Variants in WWOX observed in about 807,000 individuals in gnomAD.
WWOX encodes WW domain-containing oxidoreductase.
Under a neutral mutation model 46.2 loss-of-function variants are expected in WWOX, and 69 were observed. That is an observed-to-expected ratio of 1.49 (90% CI 1.23 to 1.82). The LOEUF is 1.82. Among genes scored for constraint, WWOX ranks in the 40% most tolerant of loss-of-function variants. The pLI is 0.00. For synonymous variants in WWOX, 359 were observed against 202.6 expected, an observed-to-expected ratio of 1.77 and a Z score of -6.56; for missense variants, 919 against 542.6, an observed-to-expected ratio of 1.69 and a Z score of -6.89.
chr16:78,638,054 C>A (rs1022679320), intron 8 of WWOX, among the ~76,000 whole-genome samples: 1 of 152,186 alleles, frequency 6.6e-6, no homozygotes, highest in Non-Finnish European at 1.5e-5. Flanking sequence ...CCACTTCTCT[C>A]TGGGTTCTCC....
intron 8 of WWOX, among the ~76,000 whole-genome samples, chr16:78,913,683 A>C (rs1203716876): frequency 2.0e-5 from 3 of 149,978 alleles, no homozygotes; most frequent in African/African-American, 7.3e-5. Context: ...CTTTTTAGTG[A>C]CTGGGTCTTG....
chr16:78,960,942 A>G (rs1393978882), intron 8 of WWOX, among the ~76,000 whole-genome samples: 1 of 152,240 alleles, frequency 6.6e-6, no homozygotes, highest in Non-Finnish European at 1.5e-5. Flanking sequence ...GTCCCAAATT[A>G]TCTTAGCTTT....
intron 8 of WWOX, among the ~76,000 whole-genome samples, chr16:78,882,724 A>C (rs2151217114): frequency 1.3e-5 from 2 of 152,120 alleles, no homozygotes; most frequent in South Asian, 4.2e-4. Context: ...TCTGACCTCA[A>C]GTGATCCACC....
At position 78,616,926 on chromosome 16, in the gene WWOX, C is replaced by A. The variant is rs182949321; in HGVS notation, c.1056+184174C>A. Among the ~76,000 whole-genome samples, 33 of 152,194 alleles carry A rather than the reference C, an allele frequency of 2.2e-4. No homozygotes were observed. The East Asian group carries it at 6.4e-3, about 29-fold the overall frequency. On this transcript the variant is annotated intron_variant, in intron 8 of 8. Coordinates refer to ENST00000566780, the MANE Select transcript of WWOX (RefSeq NM_016373.4). Reference sequence around the variant, plus strand: ...ATTTTGGGGGGACACATTCAGACCACAATAATGTTTTATAATGTTCCTTTT... The same window carrying A: ...ATTTTGGGGGGACACATTCAGACCAAAATAATGTTTTATAATGTTCCTTTT...
intron 8 of WWOX, among the ~76,000 whole-genome samples, chr16:79,015,779 C>G (rs535431587): frequency 1.7e-4 from 26 of 151,950 alleles, no homozygotes; most frequent in Non-Finnish European, 3.1e-4. Context: ...CTGAGACAGA[C>G]TGTCGCTCTG....
chr16:78,660,527 A>G (rs2047185942), intron 8 of WWOX, among the ~76,000 whole-genome samples: 1 of 152,106 alleles, frequency 6.6e-6, no homozygotes, highest in East Asian at 1.9e-4. Flanking sequence ...GAGAATTCAC[A>G]AAACAACTCA....
chr16:78,141,621 A>C (rs184399708), intron 4 of WWOX, among the ~76,000 whole-genome samples: 144 of 152,304 alleles, frequency 9.5e-4, no homozygotes, highest in African/African-American at 3.3e-3. Context: ...AATCATTAGT[A>C]GCAGTTACGT....
chr16:78,146,383 A>G (rs1398723040), intron 4 of WWOX, among the ~76,000 whole-genome samples: 1 of 152,034 alleles, frequency 6.6e-6, no homozygotes, highest in African/African-American at 2.4e-5. Flanking sequence ...TCCTACCAAG[A>G]CCCTCTTTTT....
At chr16:79,175,524 T>C (rs2050783038) in intron 8 of WWOX, among the ~76,000 whole-genome samples, 1 of 152,172 alleles carries the variant, frequency 6.6e-6, no homozygotes, top group Non-Finnish European at 1.5e-5. Flanking sequence ...CTAGGTAGAT[T>C]TCTCACTTGT....
At chr16:79,052,038 AT>A (rs200049742) in intron 8 of WWOX, among the ~76,000 whole-genome samples, 88 of 145,644 alleles carry the variant, frequency 6.0e-4, no homozygotes, top group East Asian at 3.4e-3. Context: ...TTTTATTTTA[AT>A]TTTTTTTTTT....
intron 8 of WWOX, among the ~76,000 whole-genome samples, chr16:79,131,489 A>G (rs759727557): frequency 3.9e-5 from 6 of 152,152 alleles, no homozygotes; most frequent in African/African-American, 9.7e-5. Flanking sequence ...ATGTTAAGCA[A>G]TACCCCTGAA....
chr16:79,185,975 T>G (rs1196800598), intron 8 of WWOX, among the ~76,000 whole-genome samples: 2 of 152,020 alleles, frequency 1.3e-5, no homozygotes, highest in Non-Finnish European at 1.5e-5. Flanking sequence ...TGCGTGTGTG[T>G]GTGTGTGTAT....
chr16:78,527,604 C>G (rs949744376), intron 8 of WWOX, among the ~76,000 whole-genome samples: 3 of 152,154 alleles, frequency 2.0e-5, no homozygotes, highest in South Asian at 2.1e-4. Flanking sequence ...AGACTTGTAT[C>G]TCTTAATGAG....
At chr16:78,393,180 C>G (rs1597154972) in intron 6 of WWOX, among the ~76,000 whole-genome samples, 1 of 152,188 alleles carries the variant, frequency 6.6e-6, no homozygotes, top group South Asian at 2.1e-4. Context: ...TCTAATCACT[C>G]AGACCAAATA....
intron 8 of WWOX, among the ~76,000 whole-genome samples, chr16:79,111,501 T>G (rs1484846734): frequency 6.6e-6 from 1 of 152,226 alleles, no homozygotes; most frequent in African/African-American, 2.4e-5. Flanking sequence ...ATCCTAATTA[T>G]TTTAAATTCA....
Position 78,401,369 on chromosome 16 carries a change from T to G in WWOX, c.605+14421T>G, listed in dbSNP as rs112691589. 2.2e-3 allele frequency among the ~76,000 whole-genome samples: 333 copies of G among 152,340 alleles called. 2 individuals are homozygous for G. Among genetic ancestry groups the G allele is most frequent in the African/African-American group, 7.8e-3 (325 of 41,586 alleles). On this transcript the variant is annotated intron_variant, in intron 6 of 8. Coordinates refer to ENST00000566780, the MANE Select transcript of WWOX (RefSeq NM_016373.4). ...GTAGCTAAAATTCAGATATTGAGAA[T>G]AAATTCAACTTGACATGGCAAAATT...
At chr16:78,838,508 C>G (rs546561899) in intron 8 of WWOX, among the ~76,000 whole-genome samples, 3 of 152,146 alleles carry the variant, frequency 2.0e-5, no homozygotes, top group Admixed American at 2.0e-4. Flanking sequence ...TGGTAGGATT[C>G]CATTTACATA....
At chr16:79,023,168 C>G (rs1449873094) in intron 8 of WWOX, among the ~76,000 whole-genome samples, 1 of 152,200 alleles carries the variant, frequency 6.6e-6, no homozygotes, top group Non-Finnish European at 1.5e-5. Flanking sequence ...TATGCACACA[C>G]TTGACCTAAT....
chr16:78,565,546 A>G (rs1372335537), intron 8 of WWOX, among the ~76,000 whole-genome samples: 1 of 152,058 alleles, frequency 6.6e-6, no homozygotes, highest in African/African-American at 2.4e-5. Context: ...GACCCTTTTG[A>G]TTTCATTGGG....
Sources: allele counts gnomAD v4.1 joint callset (sites outside exome capture counted in the v4.1 genomes callset), GRCh38; gene constraint gnomAD v4.1.1; transcripts MANE v1.5; gene names NCBI Gene and HGNC (gene_info 2026-07-23, HGNC 2026-07-21).